SSU72: variants seen among roughly 807,000 people sequenced by gnomAD.
SSU72 encodes SSU72 homolog, RNA polymerase II CTD phosphatase.
SSU72 carries 12 observed loss-of-function variants against 22.7 expected under a neutral mutation model. That is an observed-to-expected ratio of 0.53 (90% CI 0.34 to 0.86). The LOEUF is 0.86. Ranked by LOEUF, SSU72 falls within the 40% of genes least tolerant of loss-of-function variation. The pLI is 0.02. For missense variants in SSU72, 151 were observed against 249.8 expected (o/e 0.60, Z 2.67); for synonymous variants, 116 against 98.3 (o/e 1.18, Z -1.06).
chr1:1,564,768 G>A lies in SSU72; in HGVS notation c.224+5C>T, dbSNP rs1311016080. ...GGGTTTTTAAAGGGCAACCCGCTGG[G>A]ATACAGTTCTTTGTCTTTCCTAAGA... On this transcript the variant is annotated splice_donor_5th_base_variant and intron_variant, in intron 2 of 4. Coordinates refer to ENST00000291386, the MANE Select transcript of SSU72 (RefSeq NM_014188.3). The A allele has an allele frequency of 6.2e-7, 1 of 1,614,188 alleles. No individual in the cohort carries two copies. Among genetic ancestry groups the A allele is most frequent in the Middle Eastern group, 1.6e-4 (1 of 6,062 alleles).
Position 1,543,860 on chromosome 1 carries a change from G to C in SSU72, c.483+9C>G, listed in dbSNP as rs188372356. On this transcript the variant is annotated intron_variant, in intron 4 of 4. Coordinates refer to ENST00000291386, the MANE Select transcript of SSU72 (RefSeq NM_014188.3). ...CTCTGCCCAGCGCGGCGCCCAGCCG[G>C]GTACTTACACACTGGCAGAGCTCAC... 21,270 of 1,607,334 alleles carry C rather than the reference G, an allele frequency of 0.013. 191 individuals are homozygous for C. The highest frequency in any genetic ancestry group is 0.015 in the Non-Finnish European group (18,057 of 1,175,038).
rs1642326047 is a variant in SSU72, at chr1:1,541,954, T to C, written c.*112A>G. 1 of 968,448 alleles carries C rather than the reference T, an allele frequency of 1.0e-6. No individual in the cohort carries two copies. 60.0% of individuals were successfully genotyped at this position (968,448 alleles called of 1,614,324 possible). ...CTCCCATTTCATATGCACAGTTTAT[T>C]TGGGTAATGCTACCGTCACCAGCAG... On this transcript the variant is annotated 3_prime_UTR_variant, in exon 5 of 5. Coordinates refer to ENST00000291386, the MANE Select transcript of SSU72 (RefSeq NM_014188.3).
intron 2 of SSU72, among the ~76,000 whole-genome samples, chr1:1,550,566 C>T (rs950441071): frequency 3.3e-5 from 5 of 152,222 alleles, no homozygotes; most frequent in African/African-American, 7.2e-5. Flanking sequence ...CCAGACCCCA[C>T]GGGGCCTTGA....
At chr1:1,560,965 T>C (rs1489157380) in intron 2 of SSU72, 1 of 152,256 alleles carries the variant, frequency 6.6e-6, no homozygotes, top group Non-Finnish European at 1.5e-5. Context: ...GAGGTGGGCA[T>C]GCACAGAGAA....
intron 2 of SSU72, among the ~76,000 whole-genome samples, chr1:1,560,558 TG>T (rs1189412972): frequency 2.0e-5 from 3 of 152,148 alleles, no homozygotes; most frequent in Admixed American, 2.0e-4. Context: ...TTCTGGCTTG[TG>T]GGGGAAAAGA....
intron 2 of SSU72, among the ~76,000 whole-genome samples, chr1:1,555,799 AC>A (rs1642513649): frequency 6.6e-6 from 1 of 151,882 alleles, no homozygotes; most frequent in South Asian, 2.1e-4. Flanking sequence ...GGAATCCAAG[AC>A]CAGCCTGGGC....
intron 1 of SSU72, among the ~76,000 whole-genome samples, chr1:1,566,099 TAAAAAAA>T (rs201655463): frequency 7.1e-6 from 1 of 140,120 alleles, no homozygotes; most frequent in East Asian, 2.0e-4. Flanking sequence ...CCGTTTCTAC[TAAAAAAA>T]AAAAAAAAAT....
At chr1:1,558,031 A>G (rs534490137) in intron 2 of SSU72, among the ~76,000 whole-genome samples, 306 of 151,852 alleles carry the variant, frequency 2.0e-3, no homozygotes, top group African/African-American at 7.0e-3. Flanking sequence ...GTGAAACCCC[A>G]TCTCTACTAA....
chr1:1,554,128 C>T lies in SSU72; in HGVS notation c.225-9126G>A, dbSNP rs1642488287. On this transcript the variant is annotated intron_variant, in intron 2 of 4. Coordinates refer to ENST00000291386, the MANE Select transcript of SSU72 (RefSeq NM_014188.3). The surrounding 1 kb of genome is among the most constrained non-coding windows in gnomAD (Gnocchi z 4.1). ...GGAGTGGAGCGGTTGTGAGATTCAC[C>T]ATCAGCAAAAAGTGAAGCTGAGCAC... Among the ~76,000 whole-genome samples the T allele has an allele frequency of 6.6e-6, 1 of 152,176 alleles. No individual in the cohort carries two copies. The highest frequency in any genetic ancestry group is 2.1e-4 in the South Asian group (1 of 4,830).
chr1:1,550,820 GCACCCACCACTCACTCCACTGAACCAT>G (rs1316267210), intron 2 of SSU72, among the ~76,000 whole-genome samples: 1 of 152,168 alleles, frequency 6.6e-6, no homozygotes, highest in Non-Finnish European at 1.5e-5. Flanking sequence ...CAGGAAGGCT[GCACCCACCACTCACTCCACTGAACCAT>G]CACCCACCAC....
At chr1:1,564,503 T>C in intron 2 of SSU72, 1 of 1,506,496 alleles carries the variant, frequency 6.6e-7, no homozygotes, top group Non-Finnish European at 8.9e-7. Flanking sequence ...ATCCCTGGTC[T>C]ACGCTATGTC....
At chr1:1,558,116 C>T (rs1335787911) in intron 2 of SSU72, among the ~76,000 whole-genome samples, 1 of 150,834 alleles carries the variant, frequency 6.6e-6, no homozygotes, top group African/African-American at 2.5e-5. Flanking sequence ...GCAGGAAAAT[C>T]GCTTGAACCC....
intron 2 of SSU72, among the ~76,000 whole-genome samples, chr1:1,557,824 C>T (rs1450698725): frequency 6.6e-6 from 1 of 152,020 alleles, no homozygotes; most frequent in Non-Finnish European, 1.5e-5. Flanking sequence ...ACATTTTACT[C>T]TGAGACAAGG....
In SSU72 at chr1:1,542,245, A is replaced by T; in HGVS notation, c.484-78T>A. On this transcript the variant is annotated intron_variant, in intron 4 of 4. Transcript: ENST00000291386. This position sits in a 1 kb window ranked among gnomAD's most constrained non-coding sequence, Gnocchi z 4.4. ...CCCCTAACACCTGGATCGCCAGGGAAACGCCAGGCCTGAGCCAGCAGAAAC... is the reference window on the plus strand; with the variant it reads ...CCCCTAACACCTGGATCGCCAGGGATACGCCAGGCCTGAGCCAGCAGAAAC... The T allele has an allele frequency of 4.3e-6, 6 of 1,389,830 alleles. No individual in the cohort carries two copies. Among genetic ancestry groups the T allele is most frequent in the Non-Finnish European group, 6.0e-6 (6 of 1,004,038 alleles). 86.1% of individuals were successfully genotyped at this position (1,389,830 alleles called of 1,614,324 possible). A position where few individuals can be genotyped will look rare whatever the true frequency, so the allele number is the denominator to read the frequency against.
chr1:1,554,334 C>T lies in SSU72; in HGVS notation c.225-9332G>A, dbSNP rs1312261207. Among the ~76,000 whole-genome samples the T allele has an allele frequency of 2.6e-5, 4 of 151,390 alleles. No individual in the cohort carries two copies. The highest frequency in any genetic ancestry group is 4.2e-4 in the South Asian group (2 of 4,762). ...GGTCCCCACGAAGCTGAGCATGAGGCGGATCCGGACCACTCGGGGGTCCCC... is the reference window on the plus strand; with the variant it reads ...GGTCCCCACGAAGCTGAGCATGAGGTGGATCCGGACCACTCGGGGGTCCCC... On this transcript the variant is annotated intron_variant, in intron 2 of 4. Transcript: ENST00000291386. This position sits in a 1 kb window ranked among gnomAD's most constrained non-coding sequence, Gnocchi z 4.1.
chr1:1,560,565 A>G (rs1032423328), intron 2 of SSU72, among the ~76,000 whole-genome samples: 12 of 152,374 alleles, frequency 7.9e-5, no homozygotes, highest in African/African-American at 2.9e-4. Flanking sequence ...TTGTGGGGGA[A>G]AAGACCAAAA....
Position 1,542,018 on chromosome 1 carries a change from G to C in SSU72, c.*48C>G. 6.6e-7 allele frequency: 1 copy of C among 1,525,110 alleles called. No individual in the cohort carries two copies. The highest frequency in any genetic ancestry group is 8.9e-7 in the Non-Finnish European group (1 of 1,123,244). 94.5% of individuals were successfully genotyped at this position (1,525,110 alleles called of 1,614,324 possible). A position where few individuals can be genotyped will look rare whatever the true frequency, so the allele number is the denominator to read the frequency against. ...AAAAACAAATGTCAGGAAGGAAAAA[G>C]TATGAACAACAGGAAGCTCCAGAGG... On this transcript the variant is annotated 3_prime_UTR_variant, in exon 5 of 5. Coordinates refer to ENST00000291386, the MANE Select transcript of SSU72 (RefSeq NM_014188.3). This position sits in a 1 kb window ranked among gnomAD's most constrained non-coding sequence, Gnocchi z 4.4.
chr1:1,564,575 C>CCTA (rs1553132225), intron 2 of SSU72, 198 bp downstream of exon 2: 1 of 1,597,328 alleles, frequency 6.3e-7, no homozygotes, highest in Non-Finnish European at 8.5e-7. Flanking sequence ...CCTCACCACG[C>CCTA]CTACTGCCAT....
chr1:1,574,027 A>G (rs1200028369), intron 1 of SSU72, among the ~76,000 whole-genome samples: 1 of 113,118 alleles, frequency 8.8e-6, no homozygotes, highest in Non-Finnish European at 1.6e-5. Flanking sequence ...TTCGCAAAAA[A>G]AAAAAAAGAA....
Sources: gnomAD v4.1 joint callset for allele counts (sites outside exome capture counted in the v4.1 genomes callset) on GRCh38, gnomAD v4.1.1 for gene constraint, Gnocchi (gnomAD v3.1) non-coding constraint, MANE v1.5 for transcripts, NCBI Gene and HGNC (gene_info 2026-07-23, HGNC 2026-07-21) for gene names.